Variants in MYCBP2 observed in about 807,000 individuals in gnomAD.
MYCBP2 encodes E3 ubiquitin-protein ligase MYCBP2.
In MYCBP2, 120 loss-of-function variants were observed where a neutral mutation model predicts 525.3. The ratio of observed to expected loss-of-function variants is 0.23; its 90% CI spans 0.20 to 0.27. The LOEUF (loss-of-function observed/expected upper bound fraction) is 0.27, where lower values mean the gene tolerates loss of function less well. Among genes scored for constraint, MYCBP2 ranks in the 10% least tolerant of loss-of-function variants. The pLI, the probability that MYCBP2 is intolerant of heterozygous loss-of-function variation, is 1.00. For missense variants in MYCBP2, 4,149 were observed against 5,657.1 expected (o/e 0.73, Z 8.55); for synonymous variants, 1,894 against 1,955.8 (o/e 0.97, Z 0.83).
Position 77,073,675 on chromosome 13 carries a change from G to GTGAATTTAAGATCACAGGGTAGAAATC in MYCBP2, c.11824-2991_11824-2965dup, listed in dbSNP as rs1196057070. Among the ~76,000 whole-genome samples the GTGAATTTAAGATCACAGGGTAGAAATC allele has an allele frequency of 5.2e-4, 79 of 152,214 alleles. 2 individuals are homozygous for GTGAATTTAAGATCACAGGGTAGAAATC. Among genetic ancestry groups the GTGAATTTAAGATCACAGGGTAGAAATC allele is most frequent in the Admixed American group, 2.0e-4 (3 of 15,300 alleles). ...TATAAAAAGTTTCTGAAATTAGTAA[G>GTGAATTTAAGATCACAGGGTAGAAATC]TGAATTTAAGATCACAGGGTAGAAA... is the stretch of plus-strand genomic sequence containing the variant. On this transcript the variant is annotated intron_variant, in intron 68 of 82. Transcript: ENST00000544440.
intron 41 of MYCBP2, among the ~76,000 whole-genome samples, chr13:77,165,626 C>A (rs2058443107): frequency 6.6e-6 from 1 of 152,072 alleles, no homozygotes; most frequent in Non-Finnish European, 1.5e-5. Flanking sequence ...TACTTTTTTT[C>A]ATAATCAAAC....
intron 53 of MYCBP2, 109 bp downstream of exon 53, chr13:77,126,209 T>C (rs978314702): frequency 6.1e-6 from 5 of 823,940 alleles, no homozygotes; most frequent in African/African-American, 1.7e-5. Context: ...TAAAATACAT[T>C]AACATTGAAA....
At chr13:77,323,447 T>C (rs2081936493) in intron 1 of MYCBP2, among the ~76,000 whole-genome samples, 1 of 152,230 alleles carries the variant, frequency 6.6e-6, no homozygotes, top group African/African-American at 2.4e-5. Flanking sequence ...CCCAGAACAT[T>C]CTTCCTCTAC....
chr13:77,095,192 A>C (rs531531323), intron 58 of MYCBP2, among the ~76,000 whole-genome samples, 166 bp downstream of exon 58: 1 of 152,254 alleles, frequency 6.6e-6, no homozygotes, highest in Admixed American at 6.5e-5. Flanking sequence ...ATTACCATAA[A>C]GTCATTATGT....
rs1485949006 is a variant in MYCBP2, at chr13:77,243,842, C to T, written c.2491G>A (p.Ala831Thr). ...QEARQRGILD[A>T]VKEMIPLDLL... ...TCTAAAGGTATCATTTCTTTCACTG[C>T]ATCAAGAATTCCTCTTTGTCTTGCC... is the stretch of plus-strand genomic sequence containing the variant. The change falls in exon 16 of 83, where the codon GCA becomes ACA. Residue 831 changes from alanine (A) to threonine (T), a missense_variant. Physicochemically the swap from Ala to Thr is moderately conservative, Grantham distance 58. This residue lies in a region of MYCBP2 where 620 missense variants were observed against 795.5 expected (regional missense o/e 0.78). Transcript: ENST00000544440. The T allele has an allele frequency of 6.2e-7, 1 of 1,613,516 alleles. No individual in the cohort carries two copies. Among genetic ancestry groups the T allele is most frequent in the Admixed American group, 1.7e-5 (1 of 59,940 alleles).
chr13:77,171,023 A>C (rs987123270), intron 38 of MYCBP2, among the ~76,000 whole-genome samples: 4 of 152,186 alleles, frequency 2.6e-5, no homozygotes, highest in Non-Finnish European at 5.9e-5. Flanking sequence ...TGGCAGTCTA[A>C]ATGACAGCAG....
chr13:77,199,878 A>G (rs956158898), intron 26 of MYCBP2, among the ~76,000 whole-genome samples: 1 of 152,214 alleles, frequency 6.6e-6, no homozygotes, highest in African/African-American at 2.4e-5. Flanking sequence ...CATCCACACC[A>G]AAAACCCATC....
intron 1 of MYCBP2, among the ~76,000 whole-genome samples, chr13:77,303,667 A>G (rs1186316131): frequency 6.6e-6 from 1 of 152,256 alleles, no homozygotes; most frequent in Non-Finnish European, 1.5e-5. Flanking sequence ...AATATTTTCC[A>G]TAAAATGAAA....
intron 59 of MYCBP2, 81 bp downstream of exon 59, chr13:77,093,084 T>A (rs568067530): frequency 7.3e-7 from 1 of 1,367,828 alleles, no homozygotes; most frequent in African/African-American, 1.5e-5. Flanking sequence ...ATTAAAGAAC[T>A]TCTACAGGAC....
At chr13:77,153,518 G>A (rs899422903) in intron 46 of MYCBP2, among the ~76,000 whole-genome samples, 1 of 152,130 alleles carries the variant, frequency 6.6e-6, no homozygotes, top group Non-Finnish European at 1.5e-5. Flanking sequence ...TAACCTTTCT[G>A]TAAGCAACTA....
chr13:77,095,531 C>T lies in MYCBP2; in HGVS notation c.10026G>A (p.Gln3342=). The change falls in exon 58 of 83, where the codon CAG becomes CAA. Residue 3342 remains glutamine (Q), a synonymous_variant. Transcript: ENST00000544440. ...PRALPTMEAH[Q]VIKANALFLL... ...GGAAGAGTGCATTGGCTTTAATCAC[C>T]TGGTGAGCTTCCATGGTGGGCAAGG... 6.2e-7 allele frequency: 1 copy of T among 1,613,566 alleles called. No individual in the cohort carries two copies. Among genetic ancestry groups the T allele is most frequent in the Non-Finnish European group, 8.5e-7 (1 of 1,179,706 alleles).
intron 26 of MYCBP2, among the ~76,000 whole-genome samples, chr13:77,200,182 C>T (rs1170459826): frequency 6.6e-6 from 1 of 151,810 alleles, no homozygotes; most frequent in Non-Finnish European, 1.5e-5. Context: ...ATAACCAATA[C>T]AGAGAAGTGC....
At chr13:77,149,853 T>C (rs952770438) in intron 47 of MYCBP2, among the ~76,000 whole-genome samples, 1 of 152,200 alleles carries the variant, frequency 6.6e-6, no homozygotes, top group Non-Finnish European at 1.5e-5. Context: ...GTCCAACTGA[T>C]CAGCATATCT....
intron 15 of MYCBP2, among the ~76,000 whole-genome samples, chr13:77,244,502 A>G (rs754395197): frequency 6.6e-6 from 1 of 152,220 alleles, no homozygotes; most frequent in Non-Finnish European, 1.5e-5. Context: ...TACACCTTAT[A>G]CAAAAATTAA....
At position 77,171,552 on chromosome 13, in the gene MYCBP2, C is replaced by G; in HGVS notation, c.5734G>C (p.Val1912Leu). Residue 1912 changes from valine (V) to leucine (L), a missense_variant, in exon 38 of 83, where the codon GTT becomes CTT. By Grantham distance (32) the Val-to-Leu change is conservative (BLOSUM62 1). Coordinates refer to ENST00000544440, the MANE Select transcript of MYCBP2 (RefSeq NM_015057.5). ...EDKNCSRALS[V>L]VSTVVRASKD... ...GAGGCTCGAACGACAGTGCTTACAA[C>G]AGACAATGCTCTGCTACAGTTTTTA... 6.2e-7 allele frequency: 1 copy of G among 1,614,098 alleles called. No homozygotes were observed. The highest frequency in any genetic ancestry group is 8.5e-7 in the Non-Finnish European group (1 of 1,179,980).
At chr13:77,301,422 CAAAAAAAAAAAAAA>C (rs11338423) in intron 1 of MYCBP2, among the ~76,000 whole-genome samples, 30 of 40,512 alleles carry the variant, frequency 7.4e-4, no homozygotes, top group Admixed American at 5.1e-3. Flanking sequence ...GACTCCATCT[CAAAAAAAAAAAAAA>C]AAAAAAAAAA....
Position 77,189,058 on chromosome 13 carries a change from TAG to T in MYCBP2, c.4155-13_4155-12del. The T allele has an allele frequency of 1.3e-6, 2 of 1,568,664 alleles. No individual in the cohort carries two copies. The highest frequency in any genetic ancestry group is 1.7e-6 in the Non-Finnish European group (2 of 1,155,160). ...TCACTGGTTGGAAGTCTAAAGGCAG[TAG>T]ACACATATAAAATTATGTTAGAAAG... On this transcript the variant is annotated splice_polypyrimidine_tract_variant and intron_variant, in intron 29 of 82. Transcript: ENST00000544440.
In MYCBP2 at chr13:77,326,544, G is replaced by A; in HGVS notation, c.232C>T (p.Arg78Trp). The A allele has an allele frequency of 6.3e-7, 1 of 1,597,824 alleles. No homozygotes were observed. The highest frequency in any genetic ancestry group is 8.5e-7 in the Non-Finnish European group (1 of 1,172,704). The change falls in exon 1 of 83, where the codon CGG (arginine) becomes TGG (tryptophan). Residue 78 changes from arginine (R) to tryptophan (W), a missense_variant. This residue lies in a region of MYCBP2 where 413 missense variants were observed against 451.2 expected (regional missense o/e 0.92). Coordinates refer to ENST00000544440, the MANE Select transcript of MYCBP2 (RefSeq NM_015057.5). This position sits in a 1 kb window ranked among gnomAD's most constrained non-coding sequence, Gnocchi z 4.2. ...TTGAGCGCAGCGGTATAAATCCTCC[G>A]GTAGCGGTCGGCCAGGGCCCGGCCT... Reference protein sequence around the residue: ...LSGRALADRYRRIYTAALNDR... With the variant: ...LSGRALADRYWRIYTAALNDR...
Position 77,058,341 on chromosome 13 carries a change from G to A in MYCBP2, c.13206C>T (p.Asn4402=), listed in dbSNP as rs186340914. 2.8e-4 allele frequency: 444 copies of A among 1,614,010 alleles called. No individual in the cohort carries two copies. The highest frequency in any genetic ancestry group is 2.5e-4 in the East Asian group (11 of 44,852). ...GTAGACAGGGCAGACAGTGCTCTTC[G>A]TTTTTAACACCCCCGCATGGATGGC... is the stretch of plus-strand genomic sequence containing the variant. ...PCGHPCGGVK[N]EEHCLPCLHG... is the part of the protein sequence containing the mutation. Residue 4402 remains asparagine (N), a synonymous_variant, in exon 78 of 83, where the codon AAC becomes AAT. Transcript: ENST00000544440. This position sits in a 1 kb window ranked among gnomAD's most constrained non-coding sequence, Gnocchi z 4.1.
Sources: allele counts gnomAD v4.1 joint callset (sites outside exome capture counted in the v4.1 genomes callset), GRCh38; gene constraint gnomAD v4.1.1; regional missense constraint gnomAD v4.1.1; non-coding constraint Gnocchi (gnomAD v3.1); transcripts MANE v1.5; gene names NCBI Gene and HGNC (gene_info 2026-07-23, HGNC 2026-07-21).